Variants in NLGN2 observed in about 807,000 individuals in gnomAD.
NLGN2 encodes neuroligin 2.
A neutral mutation model predicts 48.6 loss-of-function variants in NLGN2; 11 were observed. That is an observed-to-expected ratio of 0.23 (90% CI 0.14 to 0.37). The LOEUF is 0.37. Among genes scored for constraint, NLGN2 ranks in the 10% least tolerant of loss-of-function variants. The pLI, the probability that NLGN2 is intolerant of heterozygous loss-of-function variation, is 1.00. For missense variants in NLGN2, 801 were observed against 1,225.2 expected (o/e 0.65, Z 5.17); for synonymous variants, 548 against 550.0 (o/e 1.00, Z 0.05).
Position 7,417,482 on chromosome 17 carries a change from G to C in NLGN2, c.2191G>C (p.Ala731Pro), listed in dbSNP as rs557313446. Residue 731 changes from alanine (A) to proline (P), a missense_variant, in exon 7 of 7, where the codon GCC (alanine) becomes CCC (proline). Physicochemically the swap from Ala to Pro is conservative, Grantham distance 27. This residue lies in a region of NLGN2 where 276 missense variants were observed against 313.9 expected (regional missense o/e 0.88). Coordinates refer to ENST00000302926, the MANE Select transcript of NLGN2 (RefSeq NM_020795.4). ...GVPGGGPLLP[A>P]AGRELPPEEE... ...GCCTGGTGGGGGCCCCCTGCTCCCC[G>C]CCGCGGGCCGTGAGCTGCCACCAGA... 1 of 1,520,894 alleles carries C rather than the reference G, an allele frequency of 6.6e-7. No homozygotes were observed. The highest frequency in any genetic ancestry group is 8.8e-7 in the Non-Finnish European group (1 of 1,138,232). The allele number at this position is 1,520,894 out of a possible 1,614,324, so 94.2% of individuals were successfully genotyped here.
intron 2 of NLGN2, among the ~76,000 whole-genome samples, chr17:7,412,847 T>A (rs943755627): frequency 1.3e-5 from 2 of 152,226 alleles, no homozygotes; most frequent in Non-Finnish European, 2.9e-5. Flanking sequence ...TGTTTTTTCT[T>A]TTCTTGTTGA....
chr17:7,417,062 G>T lies in NLGN2; in HGVS notation c.1771G>T (p.Asp591Tyr). Residue 591 changes from aspartate to tyrosine, a missense_variant, in exon 7 of 7, where the codon GAC becomes TAC. Asp to Tyr is a radical substitution (Grantham distance 160). Around this residue, in one of 5 missense-constraint regions of NLGN2, gnomAD observed 303 missense variants for 600.1 expected, o/e 0.50. Coordinates refer to ENST00000302926, the MANE Select transcript of NLGN2 (RefSeq NM_020795.4). ...CATAGGCCTGAAGCCACGCGTGCGT[G>T]ACAACTACCGCGCCAACAAGGTGGC... ...LHIGLKPRVR[D>Y]NYRANKVAFW... The T allele has an allele frequency of 6.2e-7, 1 of 1,614,032 alleles. No homozygotes were observed. The highest frequency in any genetic ancestry group is 8.5e-7 in the Non-Finnish European group (1 of 1,180,024).
rs1268585350 is a variant in NLGN2, at chr17:7,411,550, G to A, written c.458-607G>A. 3.0e-4 allele frequency among the ~76,000 whole-genome samples: 46 copies of A among 152,228 alleles called. No individual in the cohort carries two copies. On this transcript the variant is annotated intron_variant, in intron 1 of 6. Coordinates refer to ENST00000302926, the MANE Select transcript of NLGN2 (RefSeq NM_020795.4). This position sits in a 1 kb window ranked among gnomAD's most constrained non-coding sequence, Gnocchi z 4.5. ...CAGTGGGGAGCGGAAGGCTTCTGGG[G>A]CTGAGCTGTGGGGCAGGCTGCCCCC...
rs753210526 is a variant in NLGN2, at chr17:7,414,328, A to C, written c.509-16A>C. On this transcript the variant is annotated splice_polypyrimidine_tract_variant and intron_variant, in intron 2 of 6. Coordinates refer to ENST00000302926, the MANE Select transcript of NLGN2 (RefSeq NM_020795.4). ...CCCTGACCCCCTGGCCCACCTGCCC[A>C]CCCCTCCCCACACAGATATCCGTGA... 2,129 of 1,588,576 alleles carry C rather than the reference A, an allele frequency of 1.3e-3. No individual in the cohort carries two copies. Among genetic ancestry groups the C allele is most frequent in the Admixed American group, 0.011 (656 of 58,826 alleles).
rs11078677 is a variant in NLGN2 at position 7,418,539 on chromosome 17, C to T, written c.*740C>T. 0.26 allele frequency: 39,808 copies of T among 152,136 alleles called. 6,664 individuals are homozygous for T. Among genetic ancestry groups the T allele is most frequent in the Non-Finnish European group, 0.38 (25,907 of 67,960 alleles). The allele number at this position is 152,136 out of a possible 1,614,324, so 9.4% of individuals were successfully genotyped here. ...GAAGCTTATTTTCCCGTGGCCAGGA[C>T]GCATTTCTCTGAGTGGAAACAGGTT... is the stretch of plus-strand genomic sequence containing the variant. On this transcript the variant is annotated 3_prime_UTR_variant, in exon 7 of 7. Transcript: ENST00000302926.
rs757403490 is a variant in NLGN2 at position 7,408,743 on chromosome 17, C to A, written c.457+31C>A. 3 of 1,611,628 alleles carry A rather than the reference C, an allele frequency of 1.9e-6. No individual in the cohort carries two copies. Among genetic ancestry groups the A allele is most frequent in the African/African-American group, 1.3e-5 (1 of 74,828 alleles). Reference sequence around the variant, plus strand: ...GGCGCGGGCACAAAGCCGGGCACCCCGTGGACACAGCCCACAAACGCACAT... The same window carrying A: ...GGCGCGGGCACAAAGCCGGGCACCCAGTGGACACAGCCCACAAACGCACAT... On this transcript the variant is annotated intron_variant, in intron 1 of 6. Coordinates refer to ENST00000302926, the MANE Select transcript of NLGN2 (RefSeq NM_020795.4). The surrounding 1 kb of genome is among the most constrained non-coding windows in gnomAD (Gnocchi z 7.5).
chr17:7,415,256 C>T (rs917593876), intron 5 of NLGN2, 108 bp downstream of exon 5: 3 of 1,078,018 alleles, frequency 2.8e-6, no homozygotes. Context: ...GCTTCTGGCC[C>T]CCAGTAAGTG....
rs559799837 is a variant in NLGN2, at chr17:7,408,878, G to A, written c.457+166G>A. On this transcript the variant is annotated intron_variant, in intron 1 of 6. Transcript: ENST00000302926. This position sits in a 1 kb window ranked among gnomAD's most constrained non-coding sequence, Gnocchi z 7.5. ...TCTACGTGCCCCCTGAGGATTGTAA[G>A]GGTGCCTCCAGGCAGTCCCAGGCAC... Among the ~76,000 whole-genome samples the A allele has an allele frequency of 1.3e-5, 2 of 152,276 alleles. No individual in the cohort carries two copies. Among genetic ancestry groups the A allele is most frequent in the African/African-American group, 4.8e-5 (2 of 41,544 alleles).
rs984936096 is a variant in NLGN2 at position 7,418,543 on chromosome 17, T to G, written c.*744T>G. Reference sequence around the variant, plus strand: ...CTTATTTTCCCGTGGCCAGGACGCATTTCTCTGAGTGGAAACAGGTTCTTG... The same window carrying G: ...CTTATTTTCCCGTGGCCAGGACGCAGTTCTCTGAGTGGAAACAGGTTCTTG... On this transcript the variant is annotated 3_prime_UTR_variant, in exon 7 of 7. Transcript: ENST00000302926. 1.3e-5 allele frequency: 2 copies of G among 152,196 alleles called. No homozygotes were observed. Among genetic ancestry groups the G allele is most frequent in the African/African-American group, 2.4e-5 (1 of 41,418 alleles). The allele number at this position is 152,196 out of a possible 1,614,324, so 9.4% of individuals were successfully genotyped here.
At chr17:7,416,158 C>T in intron 6 of NLGN2, 51 bp downstream of exon 6, 1 of 1,433,294 alleles carries the variant, frequency 7.0e-7, no homozygotes, top group East Asian at 2.3e-5. Context: ...CCCTCCTTCA[C>T]ATGGCCGCCG....
chr17:7,408,333 GGGCGGCCCC>G lies in NLGN2; in HGVS notation c.82_90del (p.Gly28_Gly30del). On this transcript the variant is annotated inframe_deletion, in exon 1 of 7. Coordinates refer to ENST00000302926, the MANE Select transcript of NLGN2 (RefSeq NM_020795.4). The surrounding 1 kb of genome is among the most constrained non-coding windows in gnomAD (Gnocchi z 7.5). Reference sequence around the variant, plus strand: ...GAGGGGGTCCCGGCGGCGGCGCCCCGGGCGGCCCCGGCCTGGGCCTCGGCAGCCTCGGCG... The same window carrying G: ...GAGGGGGTCCCGGCGGCGGCGCCCCGGGCCTGGGCCTCGGCAGCCTCGGCG... 7.0e-7 allele frequency: 1 copy of G among 1,429,140 alleles called. No homozygotes were observed. Among genetic ancestry groups the G allele is most frequent in the Non-Finnish European group, 9.1e-7 (1 of 1,098,344 alleles). 88.5% of individuals were successfully genotyped at this position (1,429,140 alleles called of 1,614,324 possible).
At chr17:7,416,605 T>G (rs1017671983) in intron 6 of NLGN2, among the ~76,000 whole-genome samples, 17 of 152,178 alleles carry the variant, frequency 1.1e-4, no homozygotes, top group Admixed American at 3.3e-4. Flanking sequence ...CCCGTGTCTT[T>G]GACCCTGTCT....
At chr17:7,412,097 G>T in intron 1 of NLGN2, 60 bp from the exon 2 acceptor site, 3 of 183,780 alleles carry the variant, frequency 1.6e-5, no homozygotes, top group South Asian at 7.4e-5. Flanking sequence ...ACCTCCCCCC[G>T]ACCCCCATCT....
chr17:7,408,808 C>G lies in NLGN2; in HGVS notation c.457+96C>G, dbSNP rs1204309943. ...ACTGGCACCGCTCTAGGGCTCAGAG[C>G]TGGGCCTTTGTGGGGGCAGTGAGGG... is the stretch of plus-strand genomic sequence containing the variant. On this transcript the variant is annotated intron_variant, in intron 1 of 6. Transcript: ENST00000302926. This position sits in a 1 kb window ranked among gnomAD's most constrained non-coding sequence, Gnocchi z 7.5. 9.4e-6 allele frequency: 15 copies of G among 1,600,636 alleles called. No homozygotes were observed. Among genetic ancestry groups the G allele is most frequent in the Middle Eastern group, 4.0e-4 (2 of 5,026 alleles).
At position 7,408,627 on chromosome 17, in the gene NLGN2, C is replaced by G. The variant is rs1416467510; in HGVS notation, c.372C>G (p.Thr124=). ...LPAIMLPVWF[T]DNLEAAATYV... ...CCATCATGCTGCCTGTGTGGTTCAC[C>G]GACAACTTGGAGGCGGCCGCCACCT... Residue 124 remains threonine (T), a synonymous_variant, in exon 1 of 7, where the codon ACC becomes ACG. Coordinates refer to ENST00000302926, the MANE Select transcript of NLGN2 (RefSeq NM_020795.4). This position sits in a 1 kb window ranked among gnomAD's most constrained non-coding sequence, Gnocchi z 7.5. 4 of 1,609,194 alleles carry G rather than the reference C, an allele frequency of 2.5e-6. No individual in the cohort carries two copies. The Admixed American group carries it at 5.0e-5, about 20-fold the overall frequency.
intron 6 of NLGN2, 83 bp from the exon 7 acceptor site, chr17:7,416,843 G>C: frequency 1.3e-6 from 2 of 1,521,244 alleles, no homozygotes. Flanking sequence ...CTGCATCTCT[G>C]TCTGTCTCCC....
upstream of NLGN2, chr17:7,405,379 C>T (rs1381158879): frequency 6.6e-6 from 1 of 152,328 alleles, no homozygotes; most frequent in Non-Finnish European, 1.5e-5. This position sits in a 1 kb window ranked among gnomAD's most constrained non-coding sequence, Gnocchi z 6.8. Flanking sequence ...TCCCTGTTCT[C>T]GGGCTCCCCC....
rs1906732365 is a variant in NLGN2 at position 7,408,271 on chromosome 17, C to A, written c.16C>A (p.Leu6Met). MWLLA[L>M]CLVGLAGAQR... ...CCCGATCAGCATGTGGCTCCTGGCG[C>A]TGTGTCTGGTGGGGCTGGCGGGGGC... Residue 6 changes from leucine (L) to methionine (M), a missense_variant, in exon 1 of 7, where the codon CTG becomes ATG. By Grantham distance (15) the Leu-to-Met change is conservative. Coordinates refer to ENST00000302926, the MANE Select transcript of NLGN2 (RefSeq NM_020795.4). This position sits in a 1 kb window ranked among gnomAD's most constrained non-coding sequence, Gnocchi z 7.5. 7.7e-7 allele frequency: 1 copy of A among 1,302,102 alleles called. No individual in the cohort carries two copies. Among genetic ancestry groups the A allele is most frequent in the Non-Finnish European group, 9.8e-7 (1 of 1,025,370 alleles). The allele number at this position is 1,302,102 out of a possible 1,614,324, so 80.7% of individuals were successfully genotyped here.
At chr17:7,404,701 C>G (rs933201640), upstream of NLGN2, among the ~76,000 whole-genome samples, 1 of 152,136 alleles carries the variant, frequency 6.6e-6, no homozygotes, top group Non-Finnish European at 1.5e-5. Context: ...ATGTCTCCAC[C>G]CTGCCCTGGC....
Sources: gnomAD v4.1 joint callset for allele counts (sites outside exome capture counted in the v4.1 genomes callset) on GRCh38, gnomAD v4.1.1 for gene constraint, gnomAD v4.1.1 regional missense constraint, Gnocchi (gnomAD v3.1) non-coding constraint, MANE v1.5 for transcripts, NCBI Gene and HGNC (gene_info 2026-07-23, HGNC 2026-07-21) for gene names.